The following ZNF385B variants were observed in gnomAD, a reference collection of about 807,000 sequenced individuals.
ZNF385B encodes zinc finger protein 385B.
In ZNF385B, 23 loss-of-function variants were observed where a neutral mutation model predicts 39.2. The ratio of observed to expected loss-of-function variants is 0.59; its 90% CI spans 0.42 to 0.83. The LOEUF (loss-of-function observed/expected upper bound fraction) is 0.83, where lower values mean the gene tolerates loss of function less well. Ranked by LOEUF, ZNF385B falls within the 40% of genes least tolerant of loss-of-function variation. ZNF385B has a pLI of 0.00. For synonymous variants in ZNF385B, 205 were observed against 222.6 expected (o/e 0.92, Z 0.70); for missense variants, 552 against 598.9 (o/e 0.92, Z 0.82).
chr2:179,634,413 A>T (rs1691537181), intron 3 of ZNF385B, among the ~76,000 whole-genome samples: 4 of 152,240 alleles, frequency 2.6e-5, no homozygotes, highest in African/African-American at 7.2e-5. Flanking sequence ...GACACTTCTA[A>T]AAAGAAGACA....
chr2:179,727,920 T>C (rs186117968), intron 3 of ZNF385B, among the ~76,000 whole-genome samples: 16 of 152,236 alleles, frequency 1.1e-4, no homozygotes, highest in African/African-American at 3.4e-4. Context: ...TTGTGAAGTC[T>C]ATAAAAAGAA....
chr2:179,677,895 G>C (rs1357882805), intron 3 of ZNF385B, among the ~76,000 whole-genome samples: 1 of 152,144 alleles, frequency 6.6e-6, no homozygotes, highest in Non-Finnish European at 1.5e-5. Flanking sequence ...ATTCCTTCTA[G>C]TAGAGTTCTC....
chr2:179,457,625 A>C (rs1406349653), intron 6 of ZNF385B, among the ~76,000 whole-genome samples: 1 of 152,112 alleles, frequency 6.6e-6, no homozygotes, highest in South Asian at 2.1e-4. Context: ...GTATTTCCCC[A>C]ATAGCTAGTG....
chr2:179,782,445 A>T (rs975627426), intron 1 of ZNF385B, among the ~76,000 whole-genome samples: 24 of 152,158 alleles, frequency 1.6e-4, no homozygotes, highest in African/African-American at 5.8e-4. Context: ...GCCCTCTCTC[A>T]CCGTTTCTAT....
chr2:179,780,988 CCAGGT>C, intron 1 of ZNF385B, among the ~76,000 whole-genome samples: 2 of 152,192 alleles, frequency 1.3e-5, no homozygotes, highest in South Asian at 4.2e-4. Context: ...TGGGACTGCC[CCAGGT>C]AAAATGGAGC....
Position 179,542,149 on chromosome 2 carries a change from T to C in ZNF385B, c.441+2678A>G, listed in dbSNP as rs1296998187. On this transcript the variant is annotated intron_variant, in intron 4 of 9. Coordinates refer to ENST00000410066, the MANE Select transcript of ZNF385B (RefSeq NM_152520.6). ...TCATGACATTCCCTTAGGTATTCTA[T>C]TGGGTGAGTTGGACACTAGAATGGA... Among the ~76,000 whole-genome samples the C allele has an allele frequency of 3.9e-5, 6 of 152,308 alleles. No homozygotes were observed. The Middle Eastern group carries it at 0.014, about 345-fold the overall frequency.
chr2:179,561,353 T>A (rs922393566), intron 3 of ZNF385B, among the ~76,000 whole-genome samples: 2 of 152,076 alleles, frequency 1.3e-5, no homozygotes, highest in Admixed American at 1.3e-4. Context: ...TGCCAAGAGG[T>A]CACACATCAG....
chr2:179,799,301 C>T lies in ZNF385B; in HGVS notation c.-154-28629G>A, dbSNP rs1302224676. On this transcript the variant is annotated intron_variant, in intron 1 of 9. Coordinates refer to ENST00000410066, the MANE Select transcript of ZNF385B (RefSeq NM_152520.6). ...GCATACCTCAAGCTTTCATTTAAGG[C>T]ATCAATGTTAAAAGGGAACAACCAT... is the stretch of plus-strand genomic sequence containing the variant. Among the ~76,000 whole-genome samples the T allele has an allele frequency of 2.0e-5, 3 of 152,006 alleles. No homozygotes were observed. In the South Asian group the frequency reaches 6.2e-4, roughly 32 times the overall value.
At chr2:179,733,998 C>T (rs1701575490) in intron 3 of ZNF385B, among the ~76,000 whole-genome samples, 1 of 152,128 alleles carries the variant, frequency 6.6e-6, no homozygotes, top group Non-Finnish European at 1.5e-5. Context: ...ACATACACAC[C>T]TTTTACACAA....
chr2:179,815,326 A>C (rs180760514), intron 1 of ZNF385B, among the ~76,000 whole-genome samples: 2 of 152,310 alleles, frequency 1.3e-5, no homozygotes, highest in East Asian at 3.9e-4. Context: ...ATATGCAGGT[A>C]ATGGGAGCAG....
At chr2:179,476,363 T>G (rs1437713044) in intron 6 of ZNF385B, among the ~76,000 whole-genome samples, 4 of 152,142 alleles carry the variant, frequency 2.6e-5, no homozygotes, top group Non-Finnish European at 5.9e-5. Flanking sequence ...TAAAATAAAT[T>G]CGAATGAGGG....
chr2:179,664,899 C>CT lies in ZNF385B; in HGVS notation c.298+104603dup, dbSNP rs35104930. 3.9e-5 allele frequency among the ~76,000 whole-genome samples: 6 copies of CT among 151,976 alleles called. No homozygotes were observed. In the East Asian group the frequency reaches 7.7e-4, roughly 20 times the overall value. Reference sequence around the variant, plus strand: ...TTATTTACCATTTTCTGTGTTTTTACTTTTTTTGCACTAAATTATAAAAAC... The same window carrying CT: ...TTATTTACCATTTTCTGTGTTTTTACTTTTTTTTGCACTAAATTATAAAAAC... On this transcript the variant is annotated intron_variant, in intron 3 of 9. Coordinates refer to ENST00000410066, the MANE Select transcript of ZNF385B (RefSeq NM_152520.6).
chr2:179,799,232 G>A (rs181043616), intron 1 of ZNF385B, among the ~76,000 whole-genome samples: 25 of 152,132 alleles, frequency 1.6e-4, no homozygotes, highest in Middle Eastern at 3.4e-3. Context: ...CGAAAAAGGT[G>A]TCCTGCTTCA....
At chr2:179,574,303 T>C (rs1032193222) in intron 3 of ZNF385B, among the ~76,000 whole-genome samples, 3 of 152,318 alleles carry the variant, frequency 2.0e-5, no homozygotes, top group South Asian at 4.1e-4. Flanking sequence ...TAGGGAGTAT[T>C]GTACTTGCTC....
chr2:179,485,634 G>A (rs1234754264), intron 5 of ZNF385B, among the ~76,000 whole-genome samples: 1 of 152,122 alleles, frequency 6.6e-6, no homozygotes, highest in East Asian at 1.9e-4. Flanking sequence ...AGTCACAAGT[G>A]TTAAGGGTCA....
chr2:179,520,416 G>A (rs995141765), intron 4 of ZNF385B, among the ~76,000 whole-genome samples: 1 of 152,066 alleles, frequency 6.6e-6, no homozygotes, highest in African/African-American at 2.4e-5. Flanking sequence ...ATAACTGATT[G>A]TATTAAATTT....
At chr2:179,859,254 G>A (rs918406852) in intron 1 of ZNF385B, among the ~76,000 whole-genome samples, 1 of 152,100 alleles carries the variant, frequency 6.6e-6, no homozygotes, top group Non-Finnish European at 1.5e-5. Flanking sequence ...AGACACCTCC[G>A]TTTGGTTTCC....
At chr2:179,731,477 C>T (rs1701386556) in intron 3 of ZNF385B, among the ~76,000 whole-genome samples, 1 of 152,226 alleles carries the variant, frequency 6.6e-6, no homozygotes, top group Non-Finnish European at 1.5e-5. Context: ...CTTTCAAAAA[C>T]TCTCCAGCAC....
chr2:179,748,594 AT>A (rs1702508674), intron 3 of ZNF385B, among the ~76,000 whole-genome samples: 1 of 152,172 alleles, frequency 6.6e-6, no homozygotes, highest in Non-Finnish European at 1.5e-5. Context: ...ACTACTTGCA[AT>A]AGAGGTTCTT....
Sources: gnomAD v4.1 joint callset for allele counts (sites outside exome capture counted in the v4.1 genomes callset) on GRCh38, gnomAD v4.1.1 for gene constraint, MANE v1.5 for transcripts, NCBI Gene and HGNC (gene_info 2026-07-23, HGNC 2026-07-21) for gene names.